The following RGMA variants were observed in gnomAD, a reference collection of about 807,000 sequenced individuals.
RGMA encodes repulsive guidance molecule A.
In RGMA, 10 loss-of-function variants were observed where a neutral mutation model predicts 23.2. That is an observed-to-expected ratio of 0.43 (90% CI 0.27 to 0.73). The LOEUF (loss-of-function observed/expected upper bound fraction) is 0.73, where lower values mean the gene tolerates loss of function less well. RGMA is among the 30% of genes least tolerant of loss of function. RGMA has a pLI of 0.20. For missense variants in RGMA, 547 were observed against 630.5 expected, an observed-to-expected ratio of 0.87 and a Z score of 1.42; for synonymous variants, 308 against 279.3, an observed-to-expected ratio of 1.10 and a Z score of -1.03.
intron 2 of RGMA, among the ~76,000 whole-genome samples, chr15:93,070,444 G>C (rs968401737): frequency 7.2e-5 from 11 of 152,084 alleles, no homozygotes; most frequent in Non-Finnish European, 1.3e-4. Flanking sequence ...CCACTTGCTG[G>C]GGCTTTATTT....
chr15:93,077,935 T>C (rs1895498685), intron 1 of RGMA, among the ~76,000 whole-genome samples: 1 of 152,240 alleles, frequency 6.6e-6, no homozygotes, highest in South Asian at 2.1e-4. Flanking sequence ...CTCAAACTCC[T>C]GGGCTCAAGT....
At chr15:93,058,268 C>T (rs561292205) in intron 2 of RGMA, among the ~76,000 whole-genome samples, 4 of 152,310 alleles carry the variant, frequency 2.6e-5, no homozygotes, top group South Asian at 2.1e-4. Context: ...CTCACCGCAG[C>T]GGTGGACCTT....
In RGMA at chr15:93,044,788, T is replaced by C. The variant is rs755007567; in HGVS notation, c.*210A>G. On this transcript the variant is annotated 3_prime_UTR_variant, in exon 4 of 4. Transcript: ENST00000329082. ...TGCTCTCCCTCTCACACAGCTCTAC[T>C]GTCAAACATCATGGCACCAGTCACC... The C allele has an allele frequency of 3.4e-6, 2 of 595,820 alleles. No homozygotes were observed. Among genetic ancestry groups the C allele is most frequent in the South Asian group, 2.0e-5 (1 of 49,382 alleles). The allele number at this position is 595,820 out of a possible 1,614,324, so 36.9% of individuals were successfully genotyped here. A position where few individuals can be genotyped will look rare whatever the true frequency, so the allele number is the denominator to read the frequency against.
Position 93,045,915 on chromosome 15 carries a change from T to G in RGMA, c.646-210A>C, listed in dbSNP as rs1344953270. Among the ~76,000 whole-genome samples, 1 of 152,180 alleles carries G rather than the reference T, an allele frequency of 6.6e-6. No homozygotes were observed. Among genetic ancestry groups the G allele is most frequent in the Non-Finnish European group, 1.5e-5 (1 of 68,032 alleles). On this transcript the variant is annotated intron_variant, in intron 3 of 3. Transcript: ENST00000329082. The surrounding 1 kb of genome is among the most constrained non-coding windows in gnomAD (Gnocchi z 6.9). ...TGAAAACAACTTGCCCTTTTTACTT[T>G]AAAAAGTGACTTAGAAAAATGTTAG...
Position 93,052,367 on chromosome 15 carries a change from G to C in RGMA, c.271C>G (p.Arg91Gly). 1 of 1,600,514 alleles carries C rather than the reference G, an allele frequency of 6.2e-7. No homozygotes were observed. Among genetic ancestry groups the C allele is most frequent in the Non-Finnish European group, 8.5e-7 (1 of 1,179,408 alleles). ...SYALCTRRTA[R>G]TCRGDLAYHS... ...TAGGCCAGGTCACCCCGGCAGGTGC[G>C]GGCCGTCCGCCGCGTGCACAGGGCG... The change falls in exon 3 of 4, where the codon CGC becomes GGC. Residue 91 changes from arginine (R) to glycine (G), a missense_variant. By Grantham distance (125) the Arg-to-Gly change is moderately radical. This residue lies in a region of RGMA where 214 missense variants were observed against 234.7 expected (regional missense o/e 0.91). Coordinates refer to ENST00000329082, the MANE Select transcript of RGMA (RefSeq NM_020211.3).
intron 1 of RGMA, among the ~76,000 whole-genome samples, chr15:93,077,218 A>G (rs924534172): frequency 2.0e-5 from 3 of 152,144 alleles, no homozygotes; most frequent in African/African-American, 4.8e-5. Flanking sequence ...TGGGAGCCCA[A>G]CCCAAAGCCT....
At chr15:93,051,873 C>CCCGCT (rs1441701426) in intron 3 of RGMA, 120 bp downstream of exon 3, 7 of 1,088,760 alleles carry the variant, frequency 6.4e-6, no homozygotes, top group Non-Finnish European at 7.8e-6. Flanking sequence ...CTCCTGTGTC[C>CCCGCT]CCGCTCCGCT....
Position 93,035,418 on chromosome 15 carries a change from T to C in RGMA, c.*9580A>G, listed in dbSNP as rs1315250693. ...TGAATACAGTACAGGCAAGTGGGAA[T>C]TGATGGCCAAGGAGCAGGGTGGGCT... On this transcript the variant is annotated 3_prime_UTR_variant, in exon 4 of 4. Coordinates refer to ENST00000329082, the MANE Select transcript of RGMA (RefSeq NM_020211.3). The C allele has an allele frequency of 6.6e-6, 1 of 152,036 alleles. No homozygotes were observed. The highest frequency in any genetic ancestry group is 1.5e-5 in the Non-Finnish European group (1 of 68,040). The allele number at this position is 152,036 out of a possible 1,614,324, so 9.4% of individuals were successfully genotyped here. A position where few individuals can be genotyped will look rare whatever the true frequency, so the allele number is the denominator to read the frequency against.
At chr15:93,055,862 T>C (rs2055005246) in intron 2 of RGMA, among the ~76,000 whole-genome samples, 1 of 152,232 alleles carries the variant, frequency 6.6e-6, no homozygotes, top group African/African-American at 2.4e-5. Flanking sequence ...TGGACTGGCT[T>C]CGTGATCGGG....
rs528394243 is a variant in RGMA at position 93,084,453 on chromosome 15, T to G, written c.14+4466A>C. Among the ~76,000 whole-genome samples the G allele has an allele frequency of 2.6e-5, 4 of 152,226 alleles. No homozygotes were observed. The East Asian group carries it at 7.7e-4, about 29-fold the overall frequency. The stretch of plus-strand genomic sequence containing the variant: ...TGAAAGCACCTCAAACGATCAGATG[T>G]CAAGGTTTTTTTGTTTTTTTGTTTT... On this transcript the variant is annotated intron_variant, in intron 1 of 3. Transcript: ENST00000329082.
intron 2 of RGMA, among the ~76,000 whole-genome samples, chr15:93,057,923 T>C (rs2055040025): frequency 6.6e-6 from 1 of 152,116 alleles, no homozygotes. Flanking sequence ...TGTGGTCCAG[T>C]CTCTATGTCC....
chr15:93,056,285 A>AG (rs1460826665), intron 2 of RGMA, among the ~76,000 whole-genome samples: 8 of 152,202 alleles, frequency 5.3e-5, no homozygotes, highest in Admixed American at 6.5e-5. Flanking sequence ...CTGGTGGCGA[A>AG]GTTTCAGAGA....
At chr15:93,064,006 G>A (rs923224265) in intron 2 of RGMA, among the ~76,000 whole-genome samples, 3 of 152,186 alleles carry the variant, frequency 2.0e-5, no homozygotes, top group Non-Finnish European at 2.9e-5. Context: ...GTGGCTACAC[G>A]AAACCACACC....
At chr15:93,070,274 C>G (rs1039400754) in intron 2 of RGMA, among the ~76,000 whole-genome samples, 1 of 152,322 alleles carries the variant, frequency 6.6e-6, no homozygotes, top group East Asian at 1.9e-4. Flanking sequence ...TAACTATGTT[C>G]GATTTAATTT....
At chr15:93,066,390 G>A (rs1294201244) in intron 2 of RGMA, 1 of 708,776 alleles carries the variant, frequency 1.4e-6, no homozygotes, top group Non-Finnish European at 2.6e-6. Flanking sequence ...GTGACTCCAG[G>A]TGGGGGAAAC....
At chr15:93,072,515 C>T (rs1343491377) in intron 2 of RGMA, among the ~76,000 whole-genome samples, 1 of 152,032 alleles carries the variant, frequency 6.6e-6, no homozygotes, top group Non-Finnish European at 1.5e-5. Flanking sequence ...CCTGGGCACC[C>T]GGCAGGTTTG....
At chr15:93,058,774 C>T (rs960559375) in intron 2 of RGMA, among the ~76,000 whole-genome samples, 1 of 151,840 alleles carries the variant, frequency 6.6e-6, no homozygotes, top group African/African-American at 2.4e-5. Context: ...CTCGGATTTC[C>T]ACACGCTCCA....
At chr15:93,082,181 A>G (rs1895569265) in intron 1 of RGMA, among the ~76,000 whole-genome samples, 1 of 152,230 alleles carries the variant, frequency 6.6e-6, no homozygotes, top group Non-Finnish European at 1.5e-5. Flanking sequence ...GACAGGAACT[A>G]TTGTTTGGAC....
chr15:93,052,240 C>T lies in RGMA; in HGVS notation c.398G>A (p.Gly133Glu), dbSNP rs375505348. 2 of 1,607,100 alleles carry T rather than the reference C, an allele frequency of 1.2e-6. No homozygotes were observed. The highest frequency in any genetic ancestry group is 2.7e-5 in the African/African-American group (2 of 74,920). Residue 133 changes from glycine to glutamate, a missense_variant, in exon 3 of 4, where the codon GGA becomes GAA. By Grantham distance (98) the Gly-to-Glu change is moderately conservative. Transcript: ENST00000329082. ...QPRLRTLPPA[G>E]DSQERSDSPE... Reference sequence around the variant, plus strand: ...GCTGTCCGAGCGCTCCTGGCTGTCTCCGGCCGGTGGGAGCGTGCGCAGGCG... The same window carrying T: ...GCTGTCCGAGCGCTCCTGGCTGTCTTCGGCCGGTGGGAGCGTGCGCAGGCG...
Sources: allele counts gnomAD v4.1 joint callset (sites outside exome capture counted in the v4.1 genomes callset), GRCh38; gene constraint gnomAD v4.1.1; regional missense constraint gnomAD v4.1.1; non-coding constraint Gnocchi (gnomAD v3.1); transcripts MANE v1.5; gene names NCBI Gene and HGNC (gene_info 2026-07-23, HGNC 2026-07-21).